DMXL2: variants seen among roughly 807,000 people sequenced by gnomAD.
DMXL2 encodes dmX-like protein 2.
A neutral mutation model predicts 331.1 loss-of-function variants in DMXL2; 103 were observed. The ratio of observed to expected loss-of-function variants is 0.31; its 90% confidence interval spans 0.27 to 0.37. The LOEUF (loss-of-function observed/expected upper bound fraction) is 0.37. Among genes scored for constraint, DMXL2 ranks in the 10% least tolerant of loss-of-function variants. The pLI, the probability that DMXL2 is intolerant of heterozygous loss-of-function variation, is 1.00. For synonymous variants in DMXL2, 1,281 were observed against 1,252.1 expected (o/e 1.02, Z -0.49); for missense variants, 3,171 against 3,642.9 (o/e 0.87, Z 3.33).
chr15:51,523,457 A>C (rs2047491012), intron 13 of DMXL2, among the ~76,000 whole-genome samples: 1 of 152,244 alleles, frequency 6.6e-6, no homozygotes, highest in Non-Finnish European at 1.5e-5. Context: ...AAAGTTGATC[A>C]GAGTAGTGGG....
In DMXL2 at chr15:51,455,339, C is replaced by T. The variant is rs188327262; in HGVS notation, c.8527-111G>A. ...TACTAAATAAACATTCTGCCTCTAA[C>T]TATGTTTCTGTTGCTGTCATTCCCA... On this transcript the variant is annotated intron_variant, in intron 39 of 43. Transcript: ENST00000560891. The T allele has an allele frequency of 1.5e-5, 13 of 896,202 alleles. No homozygotes were observed. The African/African-American group carries it at 1.8e-4, about 13-fold the overall frequency. 55.5% of individuals were successfully genotyped at this position (896,202 alleles called of 1,614,324 possible). A position where few individuals can be genotyped will look rare whatever the true frequency, so the allele number is the denominator to read the frequency against.
intron 1 of DMXL2, among the ~76,000 whole-genome samples, chr15:51,594,908 G>C (rs1420281315): frequency 6.6e-6 from 1 of 152,166 alleles, no homozygotes; most frequent in Non-Finnish European, 1.5e-5. Flanking sequence ...TTGATGGGTT[G>C]TATGTCAAAA....
At position 51,542,446 on chromosome 15, in the gene DMXL2, T is replaced by C. The variant is rs776167727; in HGVS notation, c.992A>G (p.His331Arg). The stretch of plus-strand genomic sequence containing the variant: ...TGTCTGGTCGGGCATTAATTCAGCA[T>C]GAGTTACAAGAACAGATGACCTCCT... ...GQRRSSVLVT[H>R]AELMPDQTAM... is the part of the protein sequence containing the mutation. Residue 331 changes from histidine to arginine, a missense_variant, in exon 9 of 44, where the codon CAT (histidine) becomes CGT (arginine). Physicochemically the swap from His to Arg is conservative, Grantham distance 29. This residue lies in a region of DMXL2 where 1,674 missense variants were observed against 1,780.2 expected (regional missense o/e 0.94). Transcript: ENST00000560891. The C allele has an allele frequency of 1.2e-5, 20 of 1,613,720 alleles. 1 individual carries two copies. The South Asian group carries it at 1.8e-4, about 14-fold the overall frequency.
At chr15:51,571,698 C>T (rs1277669847) in intron 2 of DMXL2, among the ~76,000 whole-genome samples, 3 of 152,120 alleles carry the variant, frequency 2.0e-5, no homozygotes, top group African/African-American at 7.2e-5. Context: ...GGGTAAATAA[C>T]AAAATGAAGG....
intron 2 of DMXL2, among the ~76,000 whole-genome samples, chr15:51,570,631 C>A (rs1191882075): frequency 1.3e-5 from 2 of 152,098 alleles, no homozygotes; most frequent in African/African-American, 4.8e-5. Context: ...ACAGTGGGGG[C>A]CAATATTCAA....
At chr15:51,606,867 G>T (rs750677392) in intron 1 of DMXL2, among the ~76,000 whole-genome samples, 10 of 152,124 alleles carry the variant, frequency 6.6e-5, no homozygotes, top group Non-Finnish European at 1.0e-4. Flanking sequence ...TAAAAAGATA[G>T]AAAACATGGG....
intron 5 of DMXL2, among the ~76,000 whole-genome samples, chr15:51,563,701 C>A (rs1312287549): frequency 6.6e-6 from 1 of 152,136 alleles, no homozygotes; most frequent in Non-Finnish European, 1.5e-5. Context: ...ACATGTCCCA[C>A]CAACATCCTA....
chr15:51,602,960 A>T (rs2053332689), intron 1 of DMXL2, among the ~76,000 whole-genome samples: 1 of 152,248 alleles, frequency 6.6e-6, no homozygotes, highest in Non-Finnish European at 1.5e-5. Context: ...AAGAGACAAC[A>T]AGACACAGAT....
At chr15:51,622,013 T>C (rs1852234232) in intron 1 of DMXL2, among the ~76,000 whole-genome samples, 1 of 150,232 alleles carries the variant, frequency 6.7e-6, no homozygotes, top group Non-Finnish European at 1.5e-5. Flanking sequence ...AGGCGCAGCA[T>C]CGCCTCCACG....
At chr15:51,615,791 GC>G (rs1595770094) in intron 1 of DMXL2, among the ~76,000 whole-genome samples, 1 of 152,174 alleles carries the variant, frequency 6.6e-6, no homozygotes, top group Non-Finnish European at 1.5e-5. Context: ...GAAGTTGCTA[GC>G]ACAAAACCAA....
At position 51,450,085 on chromosome 15, in the gene DMXL2, T is replaced by G. The variant is rs377728667; in HGVS notation, c.8967+44A>C. ...ATGTGGAGTTTTTGTTTTTTCTCTT[T>G]CCAATCAGTCTTTAGCACATTCCAA... On this transcript the variant is annotated intron_variant, in intron 43 of 43. Transcript: ENST00000560891. 3.4e-5 allele frequency: 53 copies of G among 1,552,024 alleles called. No homozygotes were observed. The African/African-American group carries it at 5.9e-4, about 17-fold the overall frequency.
At chr15:51,465,360 A>G (rs1411238322) in intron 31 of DMXL2, among the ~76,000 whole-genome samples, 1 of 152,242 alleles carries the variant, frequency 6.6e-6, no homozygotes, top group Non-Finnish European at 1.5e-5. Flanking sequence ...ACACCACTGC[A>G]CTACAGTCTG....
intron 40 of DMXL2, among the ~76,000 whole-genome samples, chr15:51,453,924 C>G (rs367871337): frequency 6.6e-6 from 1 of 152,146 alleles, no homozygotes. Context: ...GTACATGAAC[C>G]TACCTAAGAC....
At chr15:51,535,504 C>T (rs2048238347) in intron 13 of DMXL2, among the ~76,000 whole-genome samples, 159 bp downstream of exon 13, 1 of 152,166 alleles carries the variant, frequency 6.6e-6, no homozygotes, top group East Asian at 1.9e-4. Context: ...CCTTGGAACA[C>T]AGCTTAGGAA....
At position 51,507,120 on chromosome 15, in the gene DMXL2, C is replaced by T. The variant is rs2046452099; in HGVS notation, c.2764+14G>A. The T allele has an allele frequency of 4.5e-6, 7 of 1,571,202 alleles. No homozygotes were observed. Among genetic ancestry groups the T allele is most frequent in the Non-Finnish European group, 6.0e-6 (7 of 1,157,332 alleles). ...TGTTATGTATCATCTCTGTATAAAA[C>T]TATAATTACTTACCTAAACATGCTT... On this transcript the variant is annotated intron_variant, in intron 16 of 43. Transcript: ENST00000560891.
In DMXL2 at chr15:51,447,872, G is replaced by A. The variant is rs561361530; in HGVS notation, c.*1112C>T. Reference sequence around the variant, plus strand: ...CATCTTCAGAGAAAGTTACTTTTATGCCATTGTATTTACTATTTACCACAC... The same window carrying A: ...CATCTTCAGAGAAAGTTACTTTTATACCATTGTATTTACTATTTACCACAC... On this transcript the variant is annotated 3_prime_UTR_variant, in exon 44 of 44. Transcript: ENST00000560891. 1.3e-5 allele frequency: 2 copies of A among 152,598 alleles called. No homozygotes were observed. The highest frequency in any genetic ancestry group is 3.9e-4 in the East Asian group (2 of 5,174). The allele number at this position is 152,598 out of a possible 1,614,324, so 9.5% of individuals were successfully genotyped here.
At chr15:51,556,416 G>A (rs1476658219) in intron 6 of DMXL2, among the ~76,000 whole-genome samples, 1 of 148,080 alleles carries the variant, frequency 6.8e-6, no homozygotes, top group Non-Finnish European at 1.5e-5. Context: ...TTATAATGAA[G>A]TTGGGATTGT....
intron 13 of DMXL2, among the ~76,000 whole-genome samples, chr15:51,535,309 A>G (rs1459502399): frequency 6.6e-6 from 1 of 152,154 alleles, no homozygotes; most frequent in Non-Finnish European, 1.5e-5. Context: ...CAATTTTCCA[A>G]CCTAAACATA....
intron 6 of DMXL2, among the ~76,000 whole-genome samples, chr15:51,559,911 T>C (rs1776427352): frequency 1.3e-5 from 2 of 152,290 alleles, no homozygotes; most frequent in South Asian, 2.1e-4. Flanking sequence ...TAAAGATACA[T>C]ATAACATATA....
Sources: gnomAD v4.1 joint callset for allele counts (sites outside exome capture counted in the v4.1 genomes callset) on GRCh38, gnomAD v4.1.1 for gene constraint, gnomAD v4.1.1 regional missense constraint, MANE v1.5 for transcripts, NCBI Gene and HGNC (gene_info 2026-07-23, HGNC 2026-07-21) for gene names.